ABCB5: variants seen among roughly 807,000 people sequenced by gnomAD.
ABCB5 encodes ATP-binding cassette sub-family B member 5.
ABCB5 carries 155 observed loss-of-function variants against 144.2 expected under a neutral mutation model. The ratio of observed to expected loss-of-function variants is 1.08; its 90% CI spans 0.94 to 1.23. The LOEUF (loss-of-function observed/expected upper bound fraction) is 1.23. ABCB5 is among the 50% of genes most tolerant of loss of function. The probability of loss-of-function intolerance (pLI) is 0.00; values close to 1 mark genes in which losing one functional copy is unlikely to be tolerated. For synonymous variants in ABCB5, 610 were observed against 528.6 expected, an observed-to-expected ratio of 1.15 and a Z score of -2.11; for missense variants, 1,830 against 1,520.8, an observed-to-expected ratio of 1.20 and a Z score of -3.38.
At chr7:20,635,008 T>A (rs1169093447) in intron 5 of ABCB5, among the ~76,000 whole-genome samples, 3 of 152,148 alleles carry the variant, frequency 2.0e-5, no homozygotes, top group Non-Finnish European at 4.4e-5. Flanking sequence ...TTGTCCTAAG[T>A]TTTCTTCTAG....
chr7:20,653,062 A>G (rs1784654306), intron 13 of ABCB5, among the ~76,000 whole-genome samples: 1 of 152,180 alleles, frequency 6.6e-6, no homozygotes, highest in South Asian at 2.1e-4. Context: ...GGGAACACAC[A>G]TTTCCTTTTG....
chr7:20,619,216 T>C (rs773037818), intron 1 of ABCB5, among the ~76,000 whole-genome samples: 26 of 152,206 alleles, frequency 1.7e-4, no homozygotes, highest in Non-Finnish European at 3.5e-4. Flanking sequence ...TTTGGAATTG[T>C]TGGGTTGAAT....
In ABCB5 at chr7:20,681,058, C is replaced by CTCTTTCTTTCTT. The variant is rs869158355; in HGVS notation, c.1708-389_1708-378dup. 9.3e-4 allele frequency among the ~76,000 whole-genome samples: 44 copies of CTCTTTCTTTCTT among 47,514 alleles called. 1 individual carries two copies. The highest frequency in any genetic ancestry group is 1.0e-3 in the African/African-American group (9 of 8,628). The allele number at this position is 47,514 out of a possible 152,430, so 31.2% of individuals were successfully genotyped here. On this transcript the variant is annotated intron_variant, in intron 14 of 27. Coordinates refer to ENST00000404938, the MANE Select transcript of ABCB5 (RefSeq NM_001163941.2). ...TCTCTTTCTTTCTTTCTCTCTCTCT[C>CTCTTTCTTTCTT]TCTTTCTTTCTTTCTTTCTTTCTTT...
In ABCB5 at chr7:20,643,616, C is replaced by G. The variant is rs530929710; in HGVS notation, c.662C>G (p.Ala221Gly). Reference sequence around the variant, plus strand: ...ACGTCTCCTCTTATAATGGCTTCAGCGGCAGCATGTTCTAGGGTAAGTGAG... The same window carrying G: ...ACGTCTCCTCTTATAATGGCTTCAGGGGCAGCATGTTCTAGGGTAAGTGAG... ...LSTSPLIMAS[A>G]AACSRMVISL... is the part of the protein sequence containing the mutation. The change falls in exon 7 of 28, where the codon GCG becomes GGG. Residue 221 changes from alanine (A) to glycine (G), a missense_variant. By Grantham distance (60) the Ala-to-Gly change is moderately conservative (BLOSUM62 0). Transcript: ENST00000404938. The G allele has an allele frequency of 1.9e-6, 3 of 1,613,874 alleles. No homozygotes were observed. Among genetic ancestry groups the G allele is most frequent in the Admixed American group, 3.3e-5 (2 of 60,008 alleles).
chr7:20,648,591 T>C (rs1353463165), intron 11 of ABCB5, among the ~76,000 whole-genome samples: 2 of 152,226 alleles, frequency 1.3e-5, no homozygotes, highest in Admixed American at 1.3e-4. Context: ...TGAAAATGTG[T>C]GTCTTTTTTA....
intron 5 of ABCB5, among the ~76,000 whole-genome samples, chr7:20,639,632 C>A (rs35613245): frequency 1.3e-5 from 2 of 152,226 alleles, no homozygotes; most frequent in Non-Finnish European, 2.9e-5. Context: ...GCCTTGGCAC[C>A]TTTGCTAAAA....
At chr7:20,733,193 T>A (rs1239087169) in intron 23 of ABCB5, among the ~76,000 whole-genome samples, 2 of 152,032 alleles carry the variant, frequency 1.3e-5, no homozygotes, top group Non-Finnish European at 2.9e-5. Context: ...ATTATTATTA[T>A]TATTATTATT....
At chr7:20,742,822 T>G (rs753352716) in intron 24 of ABCB5, 55 bp from the exon 25 acceptor site, 11 of 1,558,992 alleles carry the variant, frequency 7.1e-6, no homozygotes, top group South Asian at 1.1e-5. Flanking sequence ...TATGCTACAG[T>G]GTGTTACAAC....
chr7:20,643,172 C>T lies in ABCB5; in HGVS notation c.315-12C>T, dbSNP rs767080146. The T allele has an allele frequency of 6.3e-7, 1 of 1,594,620 alleles. No homozygotes were observed. Among genetic ancestry groups the T allele is most frequent in the South Asian group, 1.1e-5 (1 of 89,552 alleles). ...TGTGCTTCAGTCTCACATTCTAATACTCTTTCTTCAGGTTGACCCTGTATT... is the reference window on the plus strand; with the variant it reads ...TGTGCTTCAGTCTCACATTCTAATATTCTTTCTTCAGGTTGACCCTGTATT... On this transcript the variant is annotated splice_polypyrimidine_tract_variant and intron_variant, in intron 5 of 27. Coordinates refer to ENST00000404938, the MANE Select transcript of ABCB5 (RefSeq NM_001163941.2).
At chr7:20,750,263 G>A (rs147724559) in intron 26 of ABCB5, among the ~76,000 whole-genome samples, 1,700 of 152,174 alleles carry the variant, frequency 0.011, 21 homozygotes, top group African/African-American at 0.019. Context: ...TTTTAAAAGT[G>A]GAATCAACAG....
Position 20,655,856 on chromosome 7 carries a change from A to C in ABCB5, c.1537-2650A>C, listed in dbSNP as rs556470527. 2.0e-5 allele frequency among the ~76,000 whole-genome samples: 3 copies of C among 152,234 alleles called. No homozygotes were observed. In the East Asian group the frequency reaches 5.8e-4, roughly 29 times the overall value. ...TCAAAAGACCAACAATAGCCAAAACAATTTTGAAAGAAAGACCAAAGCTGG... is the reference window on the plus strand; with the variant it reads ...TCAAAAGACCAACAATAGCCAAAACCATTTTGAAAGAAAGACCAAAGCTGG... On this transcript the variant is annotated intron_variant, in intron 13 of 27. Transcript: ENST00000404938.
At chr7:20,743,162 G>A (rs1201590218) in intron 25 of ABCB5, 88 bp downstream of exon 25, 2 of 1,400,336 alleles carry the variant, frequency 1.4e-6, no homozygotes, top group Non-Finnish European at 2.0e-6. Context: ...CCACTGGTTT[G>A]GGTGGGGCAA....
intron 23 of ABCB5, among the ~76,000 whole-genome samples, chr7:20,729,912 T>C (rs10277477): frequency 0.37 from 56,011 of 152,080 alleles, 10,957 homozygotes; most frequent in East Asian, 0.67. Flanking sequence ...TCCTTATTGT[T>C]GGCATATTTG....
rs1171900438 is a variant in ABCB5, at chr7:20,632,039, T to C, written c.260-20T>C. ...ATTATAAATTAATTTCCTCTATATTTTAAATAACCTTTTTTACAGCAAATT... is the reference window on the plus strand; with the variant it reads ...ATTATAAATTAATTTCCTCTATATTCTAAATAACCTTTTTTACAGCAAATT... On this transcript the variant is annotated intron_variant, in intron 4 of 27. Coordinates refer to ENST00000404938, the MANE Select transcript of ABCB5 (RefSeq NM_001163941.2). 2.7e-6 allele frequency: 4 copies of C among 1,470,982 alleles called. No homozygotes were observed. The highest frequency in any genetic ancestry group is 3.6e-6 in the Non-Finnish European group (4 of 1,097,052). The allele number at this position is 1,470,982 out of a possible 1,614,324, so 91.1% of individuals were successfully genotyped here.
intron 20 of ABCB5, among the ~76,000 whole-genome samples, chr7:20,709,327 C>G (rs574374399): frequency 6.7e-6 from 1 of 149,956 alleles, no homozygotes; most frequent in East Asian, 2.0e-4. Flanking sequence ...TCTGCTAAGA[C>G]AAGATATTTT....
At chr7:20,651,675 C>T (rs1302266959) in intron 13 of ABCB5, 52 bp downstream of exon 13, 4 of 1,554,098 alleles carry the variant, frequency 2.6e-6, no homozygotes, top group Non-Finnish European at 3.5e-6. Flanking sequence ...AGCGCTGCGA[C>T]ATTCCAATAT....
Position 20,704,715 on chromosome 7 carries a change from T to C in ABCB5, c.2338-9T>C. On this transcript the variant is annotated splice_polypyrimidine_tract_variant and intron_variant, in intron 19 of 27. Coordinates refer to ENST00000404938, the MANE Select transcript of ABCB5 (RefSeq NM_001163941.2). ...TTGACAACCATATGTTAATTCTCCT[T>C]TTCTCTAGGATATTGCCTGGTTTGA... 2.5e-6 allele frequency: 4 copies of C among 1,609,776 alleles called. No homozygotes were observed. Among genetic ancestry groups the C allele is most frequent in the Non-Finnish European group, 3.4e-6 (4 of 1,178,056 alleles).
At chr7:20,692,756 G>C (rs188452133) in intron 16 of ABCB5, among the ~76,000 whole-genome samples, 2 of 151,970 alleles carry the variant, frequency 1.3e-5, no homozygotes, top group Non-Finnish European at 2.9e-5. Context: ...ATATTTTAAG[G>C]TTCCTAAGTG....
intron 1 of ABCB5, among the ~76,000 whole-genome samples, chr7:20,618,857 C>G (rs959527875): frequency 1.4e-5 from 2 of 143,652 alleles, no homozygotes; most frequent in African/African-American, 5.2e-5. Context: ...TCACTGCAAC[C>G]TCCACCTCCC....
Sources: allele counts gnomAD v4.1 joint callset (sites outside exome capture counted in the v4.1 genomes callset), GRCh38; gene constraint gnomAD v4.1.1; transcripts MANE v1.5; gene names NCBI Gene and HGNC (gene_info 2026-07-23, HGNC 2026-07-21).